ZC4H2: variants seen among roughly 807,000 people sequenced by gnomAD.
The protein encoded by ZC4H2 is zinc finger C4H2-type containing.
For synonymous variants in ZC4H2, 84 were observed against 66.3 expected (o/e 1.27, Z -1.30); for missense variants, 137 against 173.9 (o/e 0.79, Z 1.19).
chrX:64,991,165 T>C (rs1932300850), intron 1 of ZC4H2, among the ~76,000 whole-genome samples: 1 of 111,770 alleles, frequency 8.9e-6, no homozygotes, highest in Non-Finnish European at 1.9e-5. Context: ...ACCTGGAAAA[T>C]TCAGTGTAGC....
chrX:65,031,654 T>C (rs1351796774), intron 1 of ZC4H2, among the ~76,000 whole-genome samples: 1 of 112,265 alleles, frequency 8.9e-6, no homozygotes, highest in Non-Finnish European at 1.9e-5. Context: ...ACTTTTGGAA[T>C]GTAGATAAAT....
At chrX:65,017,737 C>T (rs775704596) in intron 1 of ZC4H2, among the ~76,000 whole-genome samples, 9 of 111,823 alleles carry the variant, frequency 8.0e-5, no homozygotes, top group African/African-American at 2.9e-4. Context: ...TTGGATACCA[C>T]TTTTCTCAAG....
At chrX:64,919,258 C>A in intron 3 of ZC4H2, 54 bp from the exon 4 acceptor site, 1 of 1,185,705 alleles carries the variant, frequency 8.4e-7, no homozygotes, top group Non-Finnish European at 1.1e-6. Context: ...GAGAACCTTG[C>A]TCCTCTTAAA....
intron 1 of ZC4H2, among the ~76,000 whole-genome samples, chrX:64,958,020 A>G (rs958782926): frequency 8.9e-6 from 1 of 111,761 alleles, no homozygotes; most frequent in Non-Finnish European, 1.9e-5. Flanking sequence ...TTCTTCTGGA[A>G]TACCTCCTGG....
chrX:64,918,045 T>A, intron 4 of ZC4H2, 149 bp from the exon 5 acceptor site: 1 of 656,793 alleles, frequency 1.5e-6, no homozygotes, highest in South Asian at 3.2e-5. Context: ...TATTCTTGGA[T>A]GCCATGGAAG....
At chrX:64,920,758 G>C (rs1195204252) in intron 2 of ZC4H2, among the ~76,000 whole-genome samples, 1 of 112,266 alleles carries the variant, frequency 8.9e-6, no homozygotes, top group East Asian at 2.8e-4. Context: ...ATGTGGCCAA[G>C]GGATCAGCAG....
At chrX:65,023,859 A>G (rs1176502040) in intron 1 of ZC4H2, among the ~76,000 whole-genome samples, 2 of 111,991 alleles carry the variant, frequency 1.8e-5, no homozygotes, top group South Asian at 7.5e-4. Context: ...ACCAACCCAA[A>G]TGCCCATCAA....
rs1396846097 is a variant in ZC4H2, at chrX:64,919,135, G to A, written c.468C>T (p.Ala156=). 4 of 1,208,483 alleles carry A rather than the reference G, an allele frequency of 3.3e-6. No homozygotes were observed. Among genetic ancestry groups the A allele is most frequent in the Non-Finnish European group, 2.2e-6 (2 of 893,669 alleles). The change falls in exon 4 of 5, where the codon GCC becomes GCT. Residue 156 remains alanine, a synonymous_variant. Coordinates refer to ENST00000374839, the MANE Select transcript of ZC4H2 (RefSeq NM_018684.4). ...GCTGTTGGGCGGCAGCGGCTGCAGCGGCCAGGGACTCAGGGATGGGGGGCT... is the reference window on the plus strand; with the variant it reads ...GCTGTTGGGCGGCAGCGGCTGCAGCAGCCAGGGACTCAGGGATGGGGGGCT... ...PQEPPIPESL[A]AAAAAAQQLQ...
chrX:65,018,683 G>C (rs1932813762), intron 1 of ZC4H2, among the ~76,000 whole-genome samples: 1 of 110,107 alleles, frequency 9.1e-6, no homozygotes, highest in African/African-American at 3.3e-5. Flanking sequence ...CAGCGAGACA[G>C]AACCGTTCAC....
upstream of ZC4H2, among the ~76,000 whole-genome samples, chrX:64,978,934 T>C (rs188832512): frequency 9.0e-6 from 1 of 111,584 alleles, no homozygotes; most frequent in Non-Finnish European, 1.9e-5. Flanking sequence ...TTTTCCATTG[T>C]CCCCTTCACC....
chrX:65,033,196 C>T (rs1932958274), intron 1 of ZC4H2, among the ~76,000 whole-genome samples: 2 of 112,300 alleles, frequency 1.8e-5, no homozygotes, highest in African/African-American at 6.5e-5. Flanking sequence ...TCCAGCAGGG[C>T]ACATTTTGTA....
At chrX:64,988,978 C>A (rs1225993449) in intron 1 of ZC4H2, among the ~76,000 whole-genome samples, 1 of 111,849 alleles carries the variant, frequency 8.9e-6, no homozygotes, top group East Asian at 2.8e-4. Context: ...AATAAGGAAT[C>A]CTTTCCTCGT....
At chrX:64,976,175 C>T (rs1455406142) in intron 1 of ZC4H2, 150 bp downstream of exon 1, 3 of 585,378 alleles carry the variant, frequency 5.1e-6, no homozygotes, top group East Asian at 6.6e-5. Flanking sequence ...CTCTCCTCAG[C>T]GCCCCTCCCA....
At chrX:64,919,863 G>C in intron 3 of ZC4H2, 3 of 364,174 alleles carry the variant, frequency 8.2e-6, no homozygotes, top group South Asian at 8.5e-5. Context: ...AATTCATCCA[G>C]TTTAATAATC....
intron 1 of ZC4H2, among the ~76,000 whole-genome samples, chrX:64,926,062 C>A (rs761837675): frequency 1.8e-5 from 2 of 111,789 alleles, no homozygotes; most frequent in East Asian, 5.7e-4. Context: ...TTTGTAAAGT[C>A]AGTTTCTCTG....
chrX:64,923,302 G>T (rs1929287007), intron 1 of ZC4H2, among the ~76,000 whole-genome samples: 1 of 111,711 alleles, frequency 9.0e-6, no homozygotes, highest in South Asian at 3.7e-4. Context: ...GCCTGCCTCT[G>T]GGAAAGGGCT....
At chrX:64,954,640 T>A (rs971736158) in intron 1 of ZC4H2, among the ~76,000 whole-genome samples, 3 of 106,877 alleles carry the variant, frequency 2.8e-5, no homozygotes, top group Non-Finnish European at 5.7e-5. Context: ...TTTAGGAGGT[T>A]CATGAAAGGA....
chrX:65,015,217 T>C (rs1376331147), intron 1 of ZC4H2, among the ~76,000 whole-genome samples: 1 of 111,989 alleles, frequency 8.9e-6, no homozygotes, highest in Non-Finnish European at 1.9e-5. Context: ...ACCTGGAACA[T>C]TATTTCTCTC....
chrX:64,990,702 C>G (rs771155626), intron 1 of ZC4H2, among the ~76,000 whole-genome samples: 1 of 111,737 alleles, frequency 8.9e-6, no homozygotes, highest in Non-Finnish European at 1.9e-5. Flanking sequence ...CAGCCCTGTT[C>G]CTTCTCTTTC....
Sources: allele counts gnomAD v4.1 joint callset (sites outside exome capture counted in the v4.1 genomes callset), GRCh38; gene constraint gnomAD v4.1.1; transcripts MANE v1.5; gene names NCBI Gene and HGNC (gene_info 2026-07-23, HGNC 2026-07-21).